The following SURF2 variants were observed in gnomAD, a reference collection of about 807,000 sequenced individuals.
The protein encoded by SURF2 is surfeit 2.
SURF2 carries 32 observed loss-of-function variants against 26.2 expected under a neutral mutation model. The ratio of observed to expected loss-of-function variants is 1.22; its 90% CI spans 0.92 to 1.64. The LOEUF is 1.64. SURF2 is among the 40% of genes most tolerant of loss of function. The pLI, the probability that SURF2 is intolerant of heterozygous loss-of-function variation, is 0.00. For synonymous variants in SURF2, 173 were observed against 139.1 expected (o/e 1.24, Z -1.71); for missense variants, 415 against 341.6 (o/e 1.21, Z -1.69).
chr9:133,356,771 G>GAGGGGAGAGCAGGAGAGAGGGGAGGGC, intron 1 of SURF2, 101 bp downstream of exon 1: 3 of 1,392,602 alleles, frequency 2.2e-6, no homozygotes, highest in Non-Finnish European at 2.8e-6. Context: ...GGAGAGGGGA[G>GAGGGGAGAGCAGGAGAGAGGGGAGGGC]AGGGGAGAGC....
chr9:133,360,542 C>A, intron 5 of SURF2, 108 bp downstream of exon 5: 2 of 1,319,482 alleles, frequency 1.5e-6, no homozygotes, highest in East Asian at 2.5e-5. Context: ...AAATCCCAAG[C>A]CAACAACACA....
chr9:133,359,923 C>T (rs2130045022), intron 3 of SURF2, 27 bp from the exon 4 acceptor site: 6 of 1,584,854 alleles, frequency 3.8e-6, no homozygotes, highest in South Asian at 2.3e-5. Context: ...TGTGGAGGTA[C>T]CCAGCACGTG....
intron 3 of SURF2, among the ~76,000 whole-genome samples, chr9:133,358,907 A>C (rs1404372395): frequency 6.6e-6 from 1 of 152,098 alleles, no homozygotes; most frequent in East Asian, 1.9e-4. Flanking sequence ...ATGAGTGCGG[A>C]GAGGCAGTCC....
At chr9:133,356,821 C>A in intron 1 of SURF2, 93 bp from the exon 2 acceptor site, 1 of 1,438,318 alleles carries the variant, frequency 7.0e-7, no homozygotes, top group Non-Finnish European at 9.2e-7. Context: ...GCGGCGGGAT[C>A]AGGGGAGGAG....
chr9:133,356,587 T>C lies in SURF2; in HGVS notation c.-6T>C. 2 of 1,518,348 alleles carry C rather than the reference T, an allele frequency of 1.3e-6. No individual in the cohort carries two copies. Among genetic ancestry groups the C allele is most frequent in the East Asian group, 2.6e-5 (1 of 38,336 alleles). 94.1% of individuals were successfully genotyped at this position (1,518,348 alleles called of 1,614,324 possible). A position where few individuals can be genotyped will look rare whatever the true frequency, so the allele number is the denominator to read the frequency against. ...TCCGCCGGGCTGCTCCGCGGGCGCGTCGGCCATGAGCGAGTTGCCGGGCGA... is the reference window on the plus strand; with the variant it reads ...TCCGCCGGGCTGCTCCGCGGGCGCGCCGGCCATGAGCGAGTTGCCGGGCGA... On this transcript the variant is annotated 5_prime_UTR_variant, in exon 1 of 6. Coordinates refer to ENST00000371964, the MANE Select transcript of SURF2 (RefSeq NM_017503.5).
At chr9:133,357,090 G>T in intron 2 of SURF2, 22 bp downstream of exon 2, 1 of 1,541,412 alleles carries the variant, frequency 6.5e-7, no homozygotes, top group Non-Finnish European at 8.8e-7. Context: ...GCGGCGGCGC[G>T]GGGAGGCCCA....
intron 4 of SURF2, 51 bp from the exon 5 acceptor site, chr9:133,360,214 C>T (rs2130048822): frequency 1.1e-5 from 17 of 1,598,304 alleles, no homozygotes; most frequent in Non-Finnish European, 1.5e-5. Context: ...GCAAAGGTGG[C>T]AGCGAACTCA....
chr9:133,360,556 G>A (rs1836741328), intron 5 of SURF2, 122 bp downstream of exon 5: 6 of 1,259,832 alleles, frequency 4.8e-6, no homozygotes, highest in Middle Eastern at 2.7e-4. Flanking sequence ...CAACACACAA[G>A]AACCATAGAA....
intron 1 of SURF2, 98 bp downstream of exon 1, chr9:133,356,768 G>GGAGAGGGGAGAGCAGGA (rs1376864990): frequency 1.4e-6 from 2 of 1,415,124 alleles, no homozygotes; most frequent in Non-Finnish European, 1.9e-6. Flanking sequence ...AGGGGAGAGG[G>GGAGAGGGGAGAGCAGGA]GAGAGGGGAG....
At chr9:133,358,837 G>T (rs1588696453) in intron 3 of SURF2, among the ~76,000 whole-genome samples, 1 of 152,198 alleles carries the variant, frequency 6.6e-6, no homozygotes, top group Admixed American at 6.5e-5. Flanking sequence ...AATGGACAGA[G>T]GCTGGAGCGG....
chr9:133,360,014 G>C lies in SURF2; in HGVS notation c.402G>C (p.Arg134Ser), dbSNP rs200162438. 6.2e-7 allele frequency: 1 copy of C among 1,614,126 alleles called. No individual in the cohort carries two copies. Among genetic ancestry groups the C allele is most frequent in the East Asian group, 2.2e-5 (1 of 44,878 alleles). ...CCTGCCTGGTGCACCGGAGGAGGAG[G>C]AGGGAGGACCAGATGGACGGTGACG... is the stretch of plus-strand genomic sequence containing the variant. ...VPACLVHRRRRREDQMDGDGP... is the reference protein window; with the variant it reads ...VPACLVHRRRSREDQMDGDGP... The change falls in exon 4 of 6, where the codon AGG (arginine) becomes AGC (serine). Residue 134 changes from arginine (R) to serine (S), a missense_variant. Physicochemically the swap from Arg to Ser is moderately radical, Grantham distance 110. Coordinates refer to ENST00000371964, the MANE Select transcript of SURF2 (RefSeq NM_017503.5).
chr9:133,357,545 C>G (rs2130034781), intron 2 of SURF2, among the ~76,000 whole-genome samples, 166 bp from the exon 3 acceptor site: 4 of 152,198 alleles, frequency 2.6e-5, no homozygotes, highest in Non-Finnish European at 5.9e-5. Flanking sequence ...CGGCCTGGGT[C>G]AGACGGTTCC....
chr9:133,356,810 C>T, intron 1 of SURF2, 104 bp from the exon 2 acceptor site: 1 of 1,415,248 alleles, frequency 7.1e-7, no homozygotes, highest in Admixed American at 2.5e-5. Flanking sequence ...GGGGAGAGGG[C>T]GCGGCGGGAT....
chr9:133,357,464 A>C (rs1836637996), intron 2 of SURF2, among the ~76,000 whole-genome samples: 1 of 152,216 alleles, frequency 6.6e-6, no homozygotes, highest in South Asian at 2.1e-4. Context: ...ATCCTCTTGC[A>C]TGAACTCATC....
In SURF2 at chr9:133,360,373, C is replaced by T; in HGVS notation, c.626C>T (p.Ala209Val). 6.2e-7 allele frequency: 1 copy of T among 1,613,870 alleles called. No individual in the cohort carries two copies. Among genetic ancestry groups the T allele is most frequent in the Admixed American group, 1.7e-5 (1 of 60,014 alleles). The change falls in exon 5 of 6, where the codon GCC becomes GTC. Residue 209 changes from alanine (A) to valine (V), a missense_variant. Coordinates refer to ENST00000371964, the MANE Select transcript of SURF2 (RefSeq NM_017503.5). ...AAGGCAAAGCCCCCAAGAGAGAAGG[C>T]CACTGATGAGGGCAGGAGAGAGACG... ...DEKAKPPREK[A>V]TDEGRRETTV...
intron 5 of SURF2, 32 bp from the exon 6 acceptor site, chr9:133,361,024 G>C (rs2130056340): frequency 1.9e-6 from 3 of 1,612,122 alleles, no homozygotes; most frequent in Admixed American, 3.3e-5. Context: ...GATCAGAAAG[G>C]CTCAGTAATC....
Position 133,359,968 on chromosome 9 carries a change from A to C in SURF2, c.356A>C (p.Gln119Pro). ...CTCCCAGATGAAGAATGTCAGAAGC[A>C]AGGGGTGGAGTACGTGCCTGCCTGC... The part of the protein sequence containing the change: ...ALCKYEECQK[Q>P]GVEYVPACLV... Residue 119 changes from glutamine (Q) to proline (P), a missense_variant, in exon 4 of 6, where the codon CAA becomes CCA. Transcript: ENST00000371964. 1 of 1,612,048 alleles carries C rather than the reference A, an allele frequency of 6.2e-7. No individual in the cohort carries two copies. Among genetic ancestry groups the C allele is most frequent in the Non-Finnish European group, 8.5e-7 (1 of 1,178,768 alleles).
Position 133,356,647 on chromosome 9 carries a change from C to T in SURF2, c.55C>T (p.Arg19Trp), listed in dbSNP as rs2130029216. Residue 19 changes from arginine (R) to tryptophan (W), a missense_variant, in exon 1 of 6, where the codon CGG becomes TGG. Physicochemically the swap from Arg to Trp is moderately radical, Grantham distance 101 (BLOSUM62 -3). Transcript: ENST00000371964. ...GTTTCTGCGGGAGCACCCGAGCCTG[C>T]GGCTCCAGACGGACGCCCGCAAGGT... ...RAFLREHPSL[R>W]LQTDARKVRC... is the part of the protein sequence containing the mutation. The T allele has an allele frequency of 3.3e-6, 5 of 1,524,930 alleles. No homozygotes were observed. Among genetic ancestry groups the T allele is most frequent in the South Asian group, 1.2e-5 (1 of 83,120 alleles). 94.5% of individuals were successfully genotyped at this position (1,524,930 alleles called of 1,614,324 possible).
Position 133,357,085 on chromosome 9 carries a change from G to T in SURF2, c.233+17G>T. On this transcript the variant is annotated intron_variant, in intron 2 of 5. Transcript: ENST00000371964. Reference sequence around the variant, plus strand: ...CAAGAACCCGTAGGTGGTCCGCGGCGGCGCGGGGAGGCCCAGGGCAATTAG... The same window carrying T: ...CAAGAACCCGTAGGTGGTCCGCGGCTGCGCGGGGAGGCCCAGGGCAATTAG... 6.5e-7 allele frequency: 1 copy of T among 1,543,078 alleles called. No individual in the cohort carries two copies. The highest frequency in any genetic ancestry group is 1.4e-5 in the African/African-American group (1 of 73,046).
Sources: gnomAD v4.1 joint callset for allele counts (sites outside exome capture counted in the v4.1 genomes callset) on GRCh38, gnomAD v4.1.1 for gene constraint, MANE v1.5 for transcripts, NCBI Gene and HGNC (gene_info 2026-07-23, HGNC 2026-07-21) for gene names.